Variants in LRRN2 observed in about 807,000 individuals in gnomAD.
The protein encoded by LRRN2 is leucine rich repeat neuronal 2.
Under a neutral mutation model 35.7 loss-of-function variants are expected in LRRN2, and 10 were observed. The observed-to-expected ratio is 0.28, with a 90% CI of 0.17 to 0.47. The LOEUF is 0.47. LRRN2 is among the 20% of genes least tolerant of loss of function. The probability of loss-of-function intolerance (pLI) is 0.99; values close to 1 mark genes in which losing one functional copy is unlikely to be tolerated. For missense variants in LRRN2, 731 were observed against 940.3 expected, an observed-to-expected ratio of 0.78 and a Z score of 2.91; for synonymous variants, 391 against 409.6, an observed-to-expected ratio of 0.95 and a Z score of 0.55.
chr1:204,635,853 G>A (rs956470886), intron 1 of LRRN2, among the ~76,000 whole-genome samples: 1 of 152,210 alleles, frequency 6.6e-6, no homozygotes, highest in African/African-American at 2.4e-5. Flanking sequence ...CAACCTTCCT[G>A]CCGTGTAACA....
chr1:204,620,136 TTGCCCTCCTCAATA>T lies in LRRN2; in HGVS notation c.-158_-145del, dbSNP rs1260789899. ...GTCATTCTACACCGGGCGTCACTTC[TTGCCCTCCTCAATA>T]TGCCTTCTCTTCCTTGTCCTCTGGG... On this transcript the variant is annotated 5_prime_UTR_variant, in exon 2 of 2. The change abolishes the stop of an existing upstream ORF in the 5' untranslated region. Transcript: ENST00000367177. 2 of 1,460,734 alleles carry T rather than the reference TTGCCCTCCTCAATA, an allele frequency of 1.4e-6. No individual in the cohort carries two copies. The highest frequency in any genetic ancestry group is 1.8e-6 in the Non-Finnish European group (2 of 1,105,146). 90.5% of individuals were successfully genotyped at this position (1,460,734 alleles called of 1,614,324 possible). A position where few individuals can be genotyped will look rare whatever the true frequency, so the allele number is the denominator to read the frequency against.
intron 1 of LRRN2, among the ~76,000 whole-genome samples, chr1:204,638,731 G>C (rs1443515103): frequency 1.3e-5 from 2 of 152,146 alleles, no homozygotes; most frequent in African/African-American, 4.8e-5. Flanking sequence ...GTAGTACATA[G>C]CGAGGAAGCA....
At chr1:204,625,215 C>T (rs1352708572) in intron 1 of LRRN2, among the ~76,000 whole-genome samples, 1 of 152,186 alleles carries the variant, frequency 6.6e-6, no homozygotes, top group Non-Finnish European at 1.5e-5. Context: ...TTTCGAGCCC[C>T]AAATCCCTGA....
intron 1 of LRRN2, among the ~76,000 whole-genome samples, chr1:204,667,449 A>G (rs1668597652): frequency 6.6e-6 from 1 of 152,222 alleles, no homozygotes; most frequent in Non-Finnish European, 1.5e-5. Flanking sequence ...GGATTCAACG[A>G]GTTAATATAA....
chr1:204,641,831 C>G (rs1002054657), intron 1 of LRRN2, among the ~76,000 whole-genome samples: 1 of 152,256 alleles, frequency 6.6e-6, no homozygotes, highest in African/African-American at 2.4e-5. Flanking sequence ...AAGCAGGGGT[C>G]TTCCCCCACC....
At chr1:204,656,086 T>A (rs181062215) in intron 1 of LRRN2, among the ~76,000 whole-genome samples, 3,219 of 62,228 alleles carry the variant, frequency 0.052, 100 homozygotes, top group South Asian at 0.098. Flanking sequence ...ATTTTTCGTA[T>A]TTTTAGTAGA....
intron 1 of LRRN2, among the ~76,000 whole-genome samples, chr1:204,649,394 C>T (rs1668175957): frequency 6.6e-6 from 1 of 152,158 alleles, no homozygotes; most frequent in Admixed American, 6.5e-5. Context: ...CACACAGATG[C>T]AGTGTGTGAA....
intron 1 of LRRN2, among the ~76,000 whole-genome samples, chr1:204,645,535 C>T (rs541016971): frequency 6.6e-5 from 10 of 152,248 alleles, no homozygotes; most frequent in East Asian, 1.9e-4. Context: ...TGATTGCATG[C>T]GGAATCATCA....
At chr1:204,623,662 A>T (rs1168375244) in intron 1 of LRRN2, among the ~76,000 whole-genome samples, 1 of 152,148 alleles carries the variant, frequency 6.6e-6, no homozygotes, top group Non-Finnish European at 1.5e-5. Flanking sequence ...TCTACCGGGG[A>T]GCTGCAGAGA....
intron 1 of LRRN2, chr1:204,620,866 C>T (rs1455694938): frequency 6.0e-6 from 1 of 167,088 alleles, no homozygotes; most frequent in Non-Finnish European, 1.5e-5. Flanking sequence ...TTCCTCCCAG[C>T]CTCCTTGGCT....
chr1:204,642,654 T>G (rs1163189362), intron 1 of LRRN2, among the ~76,000 whole-genome samples: 1 of 152,210 alleles, frequency 6.6e-6, no homozygotes, highest in Non-Finnish European at 1.5e-5. Flanking sequence ...GCAGGGACCA[T>G]GTCCGGCAGG....
At chr1:204,669,376 C>T (rs1351627267) in intron 1 of LRRN2, among the ~76,000 whole-genome samples, 1 of 152,148 alleles carries the variant, frequency 6.6e-6, no homozygotes, top group Non-Finnish European at 1.5e-5. Context: ...ATTCACTATC[C>T]CAAGATTTTC....
intron 1 of LRRN2, among the ~76,000 whole-genome samples, chr1:204,648,147 A>G (rs1668150056): frequency 6.6e-6 from 1 of 152,246 alleles, no homozygotes; most frequent in South Asian, 2.1e-4. Flanking sequence ...CCATAGGGAA[A>G]GAGCACAGGG....
Position 204,620,057 on chromosome 1 carries a change from C to T in LRRN2, c.-65G>A. ...CTGGAGTCCTGCTCTTTGTGTTTTG[C>T]AGGGTAAGGGTCAGCAACCCTGCCA... On this transcript the variant is annotated 5_prime_UTR_variant, in exon 2 of 2. Coordinates refer to ENST00000367177, the MANE Select transcript of LRRN2 (RefSeq NM_201630.2). The T allele has an allele frequency of 2.6e-6, 4 of 1,538,948 alleles. No individual in the cohort carries two copies. Among genetic ancestry groups the T allele is most frequent in the South Asian group, 2.5e-5 (2 of 80,578 alleles).
At chr1:204,664,667 T>C (rs1270796588) in intron 1 of LRRN2, 1 of 152,224 alleles carries the variant, frequency 6.6e-6, no homozygotes, top group East Asian at 1.9e-4. Flanking sequence ...TAAGCCCCTG[T>C]GAGTTAATTT....
At chr1:204,653,393 C>G (rs1668276510) in intron 1 of LRRN2, among the ~76,000 whole-genome samples, 1 of 152,236 alleles carries the variant, frequency 6.6e-6, no homozygotes, top group Non-Finnish European at 1.5e-5. Flanking sequence ...TCACACCTCT[C>G]TGATTTCTGG....
chr1:204,635,766 G>A (rs944924713), intron 1 of LRRN2, among the ~76,000 whole-genome samples: 1 of 152,220 alleles, frequency 6.6e-6, no homozygotes, highest in Admixed American at 6.5e-5. Flanking sequence ...GGCTGCAAAG[G>A]TAGAAGGTTC....
intron 1 of LRRN2, among the ~76,000 whole-genome samples, chr1:204,624,426 C>T (rs968567304): frequency 1.3e-5 from 2 of 152,300 alleles, no homozygotes; most frequent in South Asian, 2.1e-4. Context: ...GAGCCGTATT[C>T]CAAGAAGCAG....
At chr1:204,622,363 T>A (rs1165317022) in intron 1 of LRRN2, among the ~76,000 whole-genome samples, 1 of 152,212 alleles carries the variant, frequency 6.6e-6, no homozygotes, top group Non-Finnish European at 1.5e-5. Context: ...GGGGAGCAGC[T>A]GGAGGCAGGG....
Sources: allele counts gnomAD v4.1 joint callset (sites outside exome capture counted in the v4.1 genomes callset), GRCh38; gene constraint gnomAD v4.1.1; transcripts MANE v1.5; gene names NCBI Gene and HGNC (gene_info 2026-07-23, HGNC 2026-07-21).